Variants in NEK9 observed in about 807,000 individuals in gnomAD.
NEK9 encodes the protein NIMA related kinase 9.
NEK9 carries 75 observed loss-of-function variants against 123.4 expected under a neutral mutation model. The observed-to-expected ratio is 0.61, with a 90% CI of 0.50 to 0.74. The LOEUF (loss-of-function observed/expected upper bound fraction) is 0.74. Among genes scored for constraint, NEK9 ranks in the 30% least tolerant of loss-of-function variants. The pLI is 0.00. For missense variants in NEK9, 952 were observed against 1,214.4 expected, an observed-to-expected ratio of 0.78 and a Z score of 3.21; for synonymous variants, 438 against 458.7, an observed-to-expected ratio of 0.95 and a Z score of 0.58.
In NEK9 at chr14:75,106,579, T is replaced by C. The variant is rs765441799; in HGVS notation, c.1451A>G (p.Gln484Arg). The C allele has an allele frequency of 2.5e-6, 4 of 1,614,086 alleles. No individual in the cohort carries two copies. The highest frequency in any genetic ancestry group is 3.4e-6 in the Non-Finnish European group (4 of 1,179,984). Residue 484 changes from glutamine to arginine, a missense_variant, in exon 12 of 22, where the codon CAG becomes CGG. Around this residue, in one of 4 missense-constraint regions of NEK9, gnomAD observed 698 missense variants for 875.6 expected, o/e 0.80. Coordinates refer to ENST00000238616, the MANE Select transcript of NEK9 (RefSeq NM_033116.6). ...CACATGATTATCTCCACAGGAGACC[T>C]GCTCCACTGGATTGCTGAGGAAGAA... The part of the protein sequence containing the change: ...LNFFLSNPVE[Q>R]VSCGDNHVVV...
chr14:75,094,652 T>C (rs147623804), intron 18 of NEK9, among the ~76,000 whole-genome samples: 4,027 of 152,112 alleles, frequency 0.026, 176 homozygotes, highest in African/African-American at 0.091. Context: ...TGGTGGTGCA[T>C]GCCTGTAATC....
At chr14:75,117,426 A>G in intron 5 of NEK9, 100 bp from the exon 6 acceptor site, 2 of 1,299,442 alleles carry the variant, frequency 1.5e-6, no homozygotes, top group Non-Finnish European at 2.1e-6. Context: ...TAGTCATAAC[A>G]ACCATAAAAC....
At chr14:75,094,373 C>G (rs569379912) in intron 18 of NEK9, among the ~76,000 whole-genome samples, 1 of 152,306 alleles carries the variant, frequency 6.6e-6, no homozygotes, top group African/African-American at 2.4e-5. Flanking sequence ...GCACTGTAAC[C>G]TTGAACTCCT....
rs1894564951 is a variant in NEK9, at chr14:75,101,139, G to A, written c.1855C>T (p.Leu619=). The A allele has an allele frequency of 6.2e-7, 1 of 1,614,112 alleles. No individual in the cohort carries two copies. Among genetic ancestry groups the A allele is most frequent in the Non-Finnish European group, 8.5e-7 (1 of 1,179,992 alleles). Residue 619 remains leucine, a synonymous_variant, in exon 16 of 22, where the codon CTG becomes TTG. Transcript: ENST00000238616. ...CCACACTTGTTGCAGCCAAAGGTCA[G>A]CAGCCGGCCTCGCTCTGAGAGAGAA... ...TAAIDERGRL[L]TFGCNKCGQL...
At chr14:75,122,185 A>G (rs567895296) in intron 2 of NEK9, among the ~76,000 whole-genome samples, 2 of 151,874 alleles carry the variant, frequency 1.3e-5, no homozygotes, top group East Asian at 3.9e-4. Flanking sequence ...TTAATAACTC[A>G]GTTTCAATAA....
In NEK9 at chr14:75,083,567, A is replaced by G. The variant is rs938562612; in HGVS notation, c.*997T>C. 2.0e-5 allele frequency: 3 copies of G among 152,648 alleles called. No homozygotes were observed. Among genetic ancestry groups the G allele is most frequent in the African/African-American group, 7.2e-5 (3 of 41,464 alleles). 9.5% of individuals were successfully genotyped at this position (152,648 alleles called of 1,614,324 possible). ...CCAAAAGGGGAAAAATACTGACTAG[A>G]CATTCAGAAAGAAAGTGGTTGGGGC... On this transcript the variant is annotated 3_prime_UTR_variant, in exon 22 of 22. Transcript: ENST00000238616.
intron 4 of NEK9, 96 bp from the exon 5 acceptor site, chr14:75,119,031 G>A (rs753667149): frequency 2.7e-6 from 2 of 736,434 alleles, no homozygotes; most frequent in Non-Finnish European, 4.7e-6. Context: ...AAAAATGAGT[G>A]TGGGCCGGGT....
chr14:75,115,004 C>CAT (rs747801236), intron 6 of NEK9, among the ~76,000 whole-genome samples: 282 of 151,500 alleles, frequency 1.9e-3, no homozygotes, highest in Middle Eastern at 3.4e-3. Context: ...TACACACATA[C>CAT]ATATACACAC....
chr14:75,079,825 T>C lies in NEK9; in HGVS notation c.*4739A>G, dbSNP rs556278408. 1 of 152,218 alleles carries C rather than the reference T, an allele frequency of 6.6e-6. No individual in the cohort carries two copies. Among genetic ancestry groups the C allele is most frequent in the Non-Finnish European group, 1.5e-5 (1 of 68,058 alleles). 9.4% of individuals were successfully genotyped at this position (152,218 alleles called of 1,614,324 possible). A position where few individuals can be genotyped will look rare whatever the true frequency, so the allele number is the denominator to read the frequency against. On this transcript the variant is annotated 3_prime_UTR_variant, in exon 22 of 22. Transcript: ENST00000238616. ...GCTTCACTTCTTTACCTTATCTGCC[T>C]GGTACCACAGGCACTTGGATTTGGG...
chr14:75,122,492 G>C (rs28626045), intron 2 of NEK9, among the ~76,000 whole-genome samples: 69,473 of 151,826 alleles, frequency 0.46, 16,980 homozygotes, highest in East Asian at 0.84. Flanking sequence ...AACAATCCTA[G>C]AAAGTAGGTA....
chr14:75,108,227 C>A lies in NEK9; in HGVS notation c.1183-740G>T, dbSNP rs143885813. Among the ~76,000 whole-genome samples the A allele has an allele frequency of 6.7e-3, 1,013 of 151,602 alleles. 11 individuals carry two copies. Among genetic ancestry groups the A allele is most frequent in the African/African-American group, 0.024 (975 of 41,292 alleles). ...GCAAGCTCTGCCTCCTGGGTTCAAG[C>A]GATTCTCCTGCCTCAGCCTCCCAAG... is the stretch of plus-strand genomic sequence containing the variant. On this transcript the variant is annotated intron_variant, in intron 10 of 21. Coordinates refer to ENST00000238616, the MANE Select transcript of NEK9 (RefSeq NM_033116.6).
chr14:75,102,677 A>G lies in NEK9; in HGVS notation c.1732-912T>C, dbSNP rs80156815. Among the ~76,000 whole-genome samples the G allele has an allele frequency of 6.3e-4, 96 of 152,236 alleles. No individual in the cohort carries two copies. In the East Asian group the frequency reaches 0.017, roughly 26 times the overall value. ...ACTGAATATTTCTTTTCAAACTACA[A>G]AGACACTCTCTCCAGCCTTGCCCTG... On this transcript the variant is annotated intron_variant, in intron 14 of 21. Coordinates refer to ENST00000238616, the MANE Select transcript of NEK9 (RefSeq NM_033116.6).
intron 2 of NEK9, among the ~76,000 whole-genome samples, chr14:75,122,789 CTTTTTT>C (rs35799337): frequency 7.5e-5 from 6 of 80,106 alleles, no homozygotes; most frequent in African/African-American, 1.1e-4. Flanking sequence ...CCACGCCCAG[CTTTTTT>C]TTTTTTTTTT....
At chr14:75,100,130 A>G (rs1894522591) in intron 16 of NEK9, among the ~76,000 whole-genome samples, 1 of 36,454 alleles carries the variant, frequency 2.7e-5, no homozygotes, top group Non-Finnish European at 5.3e-5. Context: ...CTCCATCTCA[A>G]AAAAAAAAAA....
chr14:75,101,521 C>G (rs1894578858), intron 15 of NEK9, 136 bp downstream of exon 15: 1 of 565,672 alleles, frequency 1.8e-6, no homozygotes, highest in African/African-American at 1.9e-5. Flanking sequence ...AAAATATGTA[C>G]CTGAATACAT....
At position 75,080,552 on chromosome 14, in the gene NEK9, G is replaced by A. The variant is rs1330604367; in HGVS notation, c.*4012C>T. Reference sequence around the variant, plus strand: ...AAGTAAACATTATAAAGTTCATAAGGTTACACCATAGGAGAAATTTCACGG... The same window carrying A: ...AAGTAAACATTATAAAGTTCATAAGATTACACCATAGGAGAAATTTCACGG... On this transcript the variant is annotated 3_prime_UTR_variant, in exon 22 of 22. Coordinates refer to ENST00000238616, the MANE Select transcript of NEK9 (RefSeq NM_033116.6). 6.6e-6 allele frequency: 1 copy of A among 151,938 alleles called. No individual in the cohort carries two copies. The highest frequency in any genetic ancestry group is 1.5e-5 in the Non-Finnish European group (1 of 68,020). The allele number at this position is 151,938 out of a possible 1,614,324, so 9.4% of individuals were successfully genotyped here.
At chr14:75,109,912 C>A in intron 9 of NEK9, 35 bp from the exon 10 acceptor site, 1 of 1,554,910 alleles carries the variant, frequency 6.4e-7, no homozygotes, top group Non-Finnish European at 8.7e-7. Context: ...GAACATTTAA[C>A]ATTAAAAACA....
chr14:75,106,686 A>T lies in NEK9; in HGVS notation c.1344T>A (p.Tyr448Ter). 1.9e-6 allele frequency: 3 copies of T among 1,613,412 alleles called. No individual in the cohort carries two copies. Among genetic ancestry groups the T allele is most frequent in the Non-Finnish European group, 2.5e-6 (3 of 1,179,682 alleles). ...AGCCATAATAATCTGATCCGAAGGCATAGAGCTGACCCTCATCTGCAAAAG... is the reference window on the plus strand; with the variant it reads ...AGCCATAATAATCTGATCCGAAGGCTTAGAGCTGACCCTCATCTGCAAAAG... ...TVCVTDEGQL[Y>*]AFGSDYYGCM... Residue 448 changes from tyrosine to a stop codon, truncating the protein, a stop_gained, in exon 12 of 22, where the codon TAT (tyrosine) becomes TAA (stop). Transcript: ENST00000238616. LOFTEE classifies it high-confidence loss of function.
At chr14:75,114,094 C>T in intron 7 of NEK9, 109 bp downstream of exon 7, 2 of 725,416 alleles carry the variant, frequency 2.8e-6, no homozygotes, top group Non-Finnish European at 4.9e-6. Flanking sequence ...TACACTCTAC[C>T]CTGGGGAAGT....
Sources: allele counts gnomAD v4.1 joint callset (sites outside exome capture counted in the v4.1 genomes callset), GRCh38; gene constraint gnomAD v4.1.1; regional missense constraint gnomAD v4.1.1; transcripts MANE v1.5; gene names NCBI Gene and HGNC (gene_info 2026-07-23, HGNC 2026-07-21).